The following NCAM2 variants were observed in gnomAD, a reference collection of about 807,000 sequenced individuals.
The protein encoded by NCAM2 is N-CAM-2.
Under a neutral mutation model 98.1 loss-of-function variants are expected in NCAM2, and 30 were observed. That is an observed-to-expected ratio of 0.31 (90% confidence interval 0.23 to 0.41). The LOEUF (loss-of-function observed/expected upper bound fraction) is 0.41. Among genes scored for constraint, NCAM2 ranks in the 10% least tolerant of loss-of-function variants. The pLI, the probability that NCAM2 is intolerant of heterozygous loss-of-function variation, is 1.00. For synonymous variants in NCAM2, 368 were observed against 342.4 expected (o/e 1.07, Z -0.83); for missense variants, 867 against 1,005.8 (o/e 0.86, Z 1.87).
chr21:21,534,818 AAGG>A (rs754700180), intron 17 of NCAM2, among the ~76,000 whole-genome samples, 162 bp downstream of exon 17: 32 of 152,268 alleles, frequency 2.1e-4, no homozygotes, highest in Non-Finnish European at 3.8e-4. Context: ...TCCATTTTCT[AAGG>A]AGACATTTTT....
intron 1 of NCAM2, among the ~76,000 whole-genome samples, chr21:21,186,526 G>A (rs2068645756): frequency 6.6e-6 from 1 of 152,030 alleles, no homozygotes; most frequent in Non-Finnish European, 1.5e-5. Flanking sequence ...TTAGTTATTG[G>A]CAATAATTAA....
chr21:21,140,223 A>G (rs1300213490), intron 1 of NCAM2, among the ~76,000 whole-genome samples: 2 of 152,204 alleles, frequency 1.3e-5, no homozygotes, highest in Non-Finnish European at 2.9e-5. Flanking sequence ...TATAAGGAAC[A>G]AGACAGCTTG....
intron 16 of NCAM2, among the ~76,000 whole-genome samples, chr21:21,521,216 T>C (rs1325192706): frequency 6.6e-6 from 1 of 152,142 alleles, no homozygotes; most frequent in African/African-American, 2.4e-5. Flanking sequence ...TGGGAGGATC[T>C]GAGAAATGCT....
intron 1 of NCAM2, among the ~76,000 whole-genome samples, chr21:21,055,616 T>C (rs1020116780): frequency 6.6e-6 from 1 of 152,064 alleles, no homozygotes; most frequent in African/African-American, 2.4e-5. Flanking sequence ...CTTAGTAATA[T>C]GTAAAAACTA....
In NCAM2 at chr21:21,404,599, C is replaced by A. The variant is rs558760396; in HGVS notation, c.1196-5675C>A. Among the ~76,000 whole-genome samples, 60 of 151,840 alleles carry A rather than the reference C, an allele frequency of 4.0e-4. No homozygotes were observed. The South Asian group carries it at 0.012, about 31-fold the overall frequency. On this transcript the variant is annotated intron_variant, in intron 9 of 17. Coordinates refer to ENST00000400546, the MANE Select transcript of NCAM2 (RefSeq NM_004540.5). ...AATGTCTTTATCAGCAACATGAAAA[C>A]GAACTAATACAGTATATATTTGTGT...
intron 8 of NCAM2, among the ~76,000 whole-genome samples, chr21:21,361,957 T>A (rs1022457384): frequency 6.6e-6 from 1 of 152,204 alleles, no homozygotes; most frequent in Non-Finnish European, 1.5e-5. Context: ...AGGTAAATTG[T>A]ACATTGTGGG....
chr21:21,245,748 A>C (rs528682593), intron 1 of NCAM2, among the ~76,000 whole-genome samples: 10 of 152,194 alleles, frequency 6.6e-5, no homozygotes, highest in South Asian at 2.1e-4. Context: ...CAGTTACATT[A>C]TTTCTTTCTT....
At chr21:21,309,325 C>T (rs965671903) in intron 5 of NCAM2, among the ~76,000 whole-genome samples, 1 of 151,916 alleles carries the variant, frequency 6.6e-6, no homozygotes, top group African/African-American at 2.4e-5. Flanking sequence ...TCTAGAAATA[C>T]AGATGAACTA....
chr21:21,393,039 ATAT>A (rs987518757), intron 9 of NCAM2, among the ~76,000 whole-genome samples: 20 of 151,862 alleles, frequency 1.3e-4, no homozygotes, highest in Non-Finnish European at 2.5e-4. Flanking sequence ...GTCCTGAATG[ATAT>A]TATCTAGGTT....
At chr21:21,034,993 A>G (rs1017799208) in intron 1 of NCAM2, among the ~76,000 whole-genome samples, 2 of 152,164 alleles carry the variant, frequency 1.3e-5, no homozygotes, top group African/African-American at 4.8e-5. Flanking sequence ...CACACCCTCA[A>G]ACTTGTCTGT....
chr21:21,140,256 T>C (rs1482727654), intron 1 of NCAM2, among the ~76,000 whole-genome samples: 1 of 152,168 alleles, frequency 6.6e-6, no homozygotes, highest in East Asian at 1.9e-4. Context: ...CACTGGAAAT[T>C]TAAACACAGT....
intron 1 of NCAM2, among the ~76,000 whole-genome samples, chr21:21,145,232 T>G (rs2067247286): frequency 6.6e-6 from 1 of 152,162 alleles, no homozygotes; most frequent in South Asian, 2.1e-4. Flanking sequence ...GAATTACAAA[T>G]TATTTTTATA....
At chr21:21,204,930 C>T (rs2069377858) in intron 1 of NCAM2, among the ~76,000 whole-genome samples, 1 of 151,904 alleles carries the variant, frequency 6.6e-6, no homozygotes, top group South Asian at 2.1e-4. Context: ...TCACTCTTTG[C>T]CTCCTTTGTG....
chr21:21,363,672 A>AT (rs1180169937), intron 8 of NCAM2, among the ~76,000 whole-genome samples: 4 of 152,090 alleles, frequency 2.6e-5, no homozygotes, highest in East Asian at 3.9e-4. Context: ...ATTTTCTTTG[A>AT]TTTTTTATAG....
intron 1 of NCAM2, among the ~76,000 whole-genome samples, chr21:21,041,435 A>C (rs995360075): frequency 7.2e-5 from 11 of 152,140 alleles, no homozygotes; most frequent in Non-Finnish European, 1.3e-4. Flanking sequence ...ATTCTCTTTA[A>C]CTTCTTTGAG....
At chr21:21,056,708 A>T (rs1047038167) in intron 1 of NCAM2, among the ~76,000 whole-genome samples, 1 of 152,098 alleles carries the variant, frequency 6.6e-6, no homozygotes. Flanking sequence ...TCCATCATGG[A>T]GTACAACCAT....
At chr21:21,082,358 T>G (rs1198760331) in intron 1 of NCAM2, among the ~76,000 whole-genome samples, 1 of 151,360 alleles carries the variant, frequency 6.6e-6, no homozygotes, top group Non-Finnish European at 1.5e-5. Context: ...GAATAATTGC[T>G]CAGTAATTTC....
chr21:21,525,383 A>G (rs146141568), intron 16 of NCAM2, among the ~76,000 whole-genome samples: 24 of 152,258 alleles, frequency 1.6e-4, no homozygotes, highest in Admixed American at 6.5e-4. Flanking sequence ...AAGTAATACC[A>G]TGAGCACCTT....
rs375358511 is a variant in NCAM2, at chr21:21,074,103, A to G, written c.55+75485A>G. 2.2e-4 allele frequency among the ~76,000 whole-genome samples: 33 copies of G among 152,278 alleles called. No homozygotes were observed. The South Asian group carries it at 6.6e-3, about 31-fold the overall frequency. On this transcript the variant is annotated intron_variant, in intron 1 of 17. Transcript: ENST00000400546. Reference sequence around the variant, plus strand: ...CATTTGATATAATTACACATCCATAATTATGTAATAAAATTGTCACTGTGA... The same window carrying G: ...CATTTGATATAATTACACATCCATAGTTATGTAATAAAATTGTCACTGTGA...
Sources: gnomAD v4.1 joint callset for allele counts (sites outside exome capture counted in the v4.1 genomes callset) on GRCh38, gnomAD v4.1.1 for gene constraint, MANE v1.5 for transcripts, NCBI Gene and HGNC (gene_info 2026-07-23, HGNC 2026-07-21) for gene names.